The following ARHGEF28 variants were observed in gnomAD, a reference collection of about 807,000 sequenced individuals.
ARHGEF28 encodes the protein 190 kDa guanine nucleotide exchange factor.
ARHGEF28 carries 152 observed loss-of-function variants against 206.6 expected under a neutral mutation model. The ratio of observed to expected loss-of-function variants is 0.74; its 90% CI spans 0.64 to 0.84. The LOEUF is 0.84. Ranked by LOEUF, ARHGEF28 falls within the 40% of genes least tolerant of loss-of-function variation. The pLI is 0.00. For synonymous variants in ARHGEF28, 763 were observed against 776.4 expected (o/e 0.98, Z 0.29); for missense variants, 2,028 against 2,073.2 (o/e 0.98, Z 0.42).
chr5:73,736,363 C>T (rs1750933658), intron 2 of ARHGEF28, among the ~76,000 whole-genome samples: 1 of 152,202 alleles, frequency 6.6e-6, no homozygotes, highest in Non-Finnish European at 1.5e-5. Flanking sequence ...ATGGGTTTGA[C>T]TCCTGCTTCT....
intron 35 of ARHGEF28, among the ~76,000 whole-genome samples, chr5:73,920,590 C>T (rs1366567723): frequency 1.4e-5 from 2 of 138,034 alleles, no homozygotes; most frequent in Non-Finnish European, 3.0e-5. Context: ...CACTCTTTCG[C>T]CCAAGCTGGA....
At chr5:73,902,369 A>T (rs1428893172) in intron 31 of ARHGEF28, 1 of 152,196 alleles carries the variant, frequency 6.6e-6, no homozygotes, top group East Asian at 1.9e-4. Flanking sequence ...GAGAGAGTGA[A>T]TTGGACAGTA....
intron 22 of ARHGEF28, among the ~76,000 whole-genome samples, chr5:73,881,742 G>C (rs1453576068): frequency 6.6e-6 from 1 of 152,198 alleles, no homozygotes; most frequent in Non-Finnish European, 1.5e-5. Flanking sequence ...TGGCATTCAA[G>C]TCATTCAACT....
intron 2 of ARHGEF28, among the ~76,000 whole-genome samples, chr5:73,697,910 G>C (rs1185636840): frequency 1.3e-5 from 2 of 152,174 alleles, no homozygotes; most frequent in African/African-American, 2.4e-5. Context: ...ATGTGCATTT[G>C]TATGTGCATT....
intron 2 of ARHGEF28, among the ~76,000 whole-genome samples, chr5:73,748,152 A>G (rs1412639829): frequency 1.3e-5 from 2 of 152,148 alleles, no homozygotes; most frequent in Non-Finnish European, 2.9e-5. Flanking sequence ...AATTTTGTCT[A>G]AGTTTCCTCT....
chr5:73,660,503 AC>A (rs774273905), intron 1 of ARHGEF28, among the ~76,000 whole-genome samples: 2 of 152,156 alleles, frequency 1.3e-5, no homozygotes, highest in African/African-American at 2.4e-5. Context: ...GTCCTTAATG[AC>A]ATCTAGAATG....
At chr5:73,771,552 A>C (rs1052396336) in intron 4 of ARHGEF28, among the ~76,000 whole-genome samples, 10 of 151,930 alleles carry the variant, frequency 6.6e-5, no homozygotes, top group African/African-American at 2.4e-4. Flanking sequence ...CATCTCAAAA[A>C]AAAAAAAGGA....
At chr5:73,795,648 G>T in intron 9 of ARHGEF28, 1 of 366,016 alleles carries the variant, frequency 2.7e-6, no homozygotes, top group South Asian at 4.8e-5. Context: ...CCAGAAGCTG[G>T]CTCTGGACTT....
At chr5:73,770,992 C>T (rs1178315357) in intron 4 of ARHGEF28, among the ~76,000 whole-genome samples, 1 of 152,210 alleles carries the variant, frequency 6.6e-6, no homozygotes. Flanking sequence ...TCTGCCCACA[C>T]TCACACTGTT....
In ARHGEF28 at chr5:73,917,814, A is replaced by G. The variant is rs117524167; in HGVS notation, c.4948+6239A>G. Among the ~76,000 whole-genome samples the G allele has an allele frequency of 2.0e-4, 30 of 152,324 alleles. No homozygotes were observed. In the East Asian group the frequency reaches 5.4e-3, roughly 27 times the overall value. ...GCTTTAAAAATGAAAAAAATAATAC[A>G]TGCACACATATACACACACACACAT... On this transcript the variant is annotated intron_variant, in intron 35 of 35. Transcript: ENST00000513042.
chr5:73,698,711 G>C (rs1235496183), intron 2 of ARHGEF28, among the ~76,000 whole-genome samples: 1 of 152,082 alleles, frequency 6.6e-6, no homozygotes, highest in East Asian at 1.9e-4. Context: ...ATAAGTGTTG[G>C]ATAAGAACAT....
chr5:73,820,137 CTT>C (rs1756476766), intron 9 of ARHGEF28, among the ~76,000 whole-genome samples: 1 of 152,162 alleles, frequency 6.6e-6, no homozygotes, highest in South Asian at 2.1e-4. Flanking sequence ...CCCAGATAGT[CTT>C]TATCTACAAT....
At chr5:73,911,725 T>C in intron 35 of ARHGEF28, 150 bp downstream of exon 35, 1 of 869,664 alleles carries the variant, frequency 1.1e-6, no homozygotes, top group Non-Finnish European at 1.7e-6. Flanking sequence ...TCACTTTTCT[T>C]TGGGGAAGTC....
At chr5:73,742,702 T>C (rs992388001) in intron 2 of ARHGEF28, among the ~76,000 whole-genome samples, 4 of 150,652 alleles carry the variant, frequency 2.7e-5, no homozygotes, top group African/African-American at 9.7e-5. Flanking sequence ...CGGGCGCCTG[T>C]AGTCCCAGCT....
intron 9 of ARHGEF28, among the ~76,000 whole-genome samples, chr5:73,810,247 A>C (rs1755762148): frequency 6.6e-6 from 1 of 152,214 alleles, no homozygotes; most frequent in Non-Finnish European, 1.5e-5. Flanking sequence ...TACATTGGAA[A>C]GTCTCTTCTT....
chr5:73,839,150 G>A (rs1175388734), intron 10 of ARHGEF28, among the ~76,000 whole-genome samples: 2 of 152,174 alleles, frequency 1.3e-5, no homozygotes, highest in Admixed American at 1.3e-4. Context: ...TCAGTGAGTT[G>A]TATCAGAAGG....
At chr5:73,661,610 C>G (rs1745601679) in intron 1 of ARHGEF28, among the ~76,000 whole-genome samples, 1 of 152,016 alleles carries the variant, frequency 6.6e-6, no homozygotes, top group South Asian at 2.1e-4. Flanking sequence ...CTTCCTTTCA[C>G]CTGAACACTT....
At chr5:73,749,141 A>G (rs1751895580) in intron 2 of ARHGEF28, among the ~76,000 whole-genome samples, 1 of 152,188 alleles carries the variant, frequency 6.6e-6, no homozygotes, top group African/African-American at 2.4e-5. Context: ...AGCACTTGGA[A>G]ACCCCTCAGA....
At chr5:73,656,710 A>G (rs1025837198) in intron 1 of ARHGEF28, among the ~76,000 whole-genome samples, 3 of 152,170 alleles carry the variant, frequency 2.0e-5, no homozygotes, top group Admixed American at 6.5e-5. Flanking sequence ...CTCAGCTCAG[A>G]ACCCTCAAAT....
Sources: allele counts gnomAD v4.1 joint callset (sites outside exome capture counted in the v4.1 genomes callset), GRCh38; gene constraint gnomAD v4.1.1; transcripts MANE v1.5; gene names NCBI Gene and HGNC (gene_info 2026-07-23, HGNC 2026-07-21).